Variants in LPIN1 observed in about 807,000 individuals in gnomAD.
The protein encoded by LPIN1 is phosphatidate phosphatase LPIN1.
LPIN1 carries 71 observed loss-of-function variants against 107.5 expected under a neutral mutation model. The observed-to-expected ratio is 0.66, with a 90% confidence interval of 0.55 to 0.80. The LOEUF is 0.80. LPIN1 is among the 30% of genes least tolerant of loss of function. The pLI is 0.00. For missense variants in LPIN1, 1,043 were observed against 1,160.6 expected (o/e 0.90, Z 1.47); for synonymous variants, 445 against 452.6 (o/e 0.98, Z 0.21).
intron 14 of LPIN1, among the ~76,000 whole-genome samples, chr2:11,799,180 A>G (rs1321993473): frequency 6.6e-6 from 1 of 152,136 alleles, no homozygotes; most frequent in Non-Finnish European, 1.5e-5. Flanking sequence ...CGCATCTCGC[A>G]TTTTAGTCTT....
At chr2:11,691,487 T>C (rs1293577499) in intron 1 of LPIN1, among the ~76,000 whole-genome samples, 1 of 152,188 alleles carries the variant, frequency 6.6e-6, no homozygotes, top group African/African-American at 2.4e-5. Context: ...CCTCAGGTGC[T>C]GACCTCCAGC....
intron 8 of LPIN1, among the ~76,000 whole-genome samples, chr2:11,783,288 T>C (rs1463185959): frequency 6.6e-6 from 1 of 152,242 alleles, no homozygotes; most frequent in Non-Finnish European, 1.5e-5. Context: ...TAAAAGCTTT[T>C]ATCATTTCAT....
rs527487744 is a variant in LPIN1 at position 11,697,611 on chromosome 2, C to G, written c.82-16145C>G. ...TCCCTTGCCTGCCACTGGTAGTGACCTGGCCTGGGGACAGGGAAAGGACGC... is the reference window on the plus strand; with the variant it reads ...TCCCTTGCCTGCCACTGGTAGTGACGTGGCCTGGGGACAGGGAAAGGACGC... On this transcript the variant is annotated intron_variant, in intron 1 of 21. Coordinates refer to the LPIN1 transcript ENST00000449576. This position sits in a 1 kb window ranked among gnomAD's most constrained non-coding sequence, Gnocchi z 4.6. Among the ~76,000 whole-genome samples, 3 of 152,362 alleles carry G rather than the reference C, an allele frequency of 2.0e-5. No individual in the cohort carries two copies. The highest frequency in any genetic ancestry group is 2.0e-4 in the Admixed American group (3 of 15,306).
intron 3 of LPIN1, among the ~76,000 whole-genome samples, chr2:11,769,767 G>A (rs1671553345): frequency 6.6e-6 from 1 of 152,204 alleles, no homozygotes; most frequent in South Asian, 2.1e-4. Context: ...CACAGATGAA[G>A]CACCTTAAAG....
chr2:11,709,161 T>G (rs1663278733), intron 1 of LPIN1, among the ~76,000 whole-genome samples: 1 of 152,090 alleles, frequency 6.6e-6, no homozygotes, highest in African/African-American at 2.4e-5. Flanking sequence ...ACATCATCCC[T>G]TTCACCCCAT....
chr2:11,748,215 G>A (rs1667253051), intron 1 of LPIN1, among the ~76,000 whole-genome samples: 1 of 152,226 alleles, frequency 6.6e-6, no homozygotes, highest in Non-Finnish European at 1.5e-5. Flanking sequence ...GAAGTCTGTG[G>A]GTCCTGCTCT....
intron 19 of LPIN1, among the ~76,000 whole-genome samples, chr2:11,820,132 A>G (rs1681263169): frequency 6.6e-6 from 1 of 152,248 alleles, no homozygotes; most frequent in African/African-American, 2.4e-5. Flanking sequence ...AAGTAGGAAT[A>G]TGGGTCAAAG....
intron 1 of LPIN1, among the ~76,000 whole-genome samples, chr2:11,699,993 T>C (rs1225730371): frequency 6.6e-6 from 1 of 152,178 alleles, no homozygotes; most frequent in East Asian, 1.9e-4. Flanking sequence ...ATGAATTGAC[T>C]CTGGGAAGCA....
chr2:11,762,123 T>G (rs1046934273), intron 1 of LPIN1, among the ~76,000 whole-genome samples: 3 of 151,998 alleles, frequency 2.0e-5, no homozygotes, highest in African/African-American at 7.2e-5. Context: ...GTTCATTCCT[T>G]TGTGGATCGG....
chr2:11,811,813 T>C (rs1378685912), intron 17 of LPIN1, among the ~76,000 whole-genome samples: 2 of 152,146 alleles, frequency 1.3e-5, no homozygotes, highest in South Asian at 2.1e-4. Context: ...GATGAAACCC[T>C]GTCTCTACTA....
In LPIN1 at chr2:11,786,034, G is replaced by A. The variant is rs1190369501; in HGVS notation, c.1549+958G>A. Among the ~76,000 whole-genome samples, 3 of 152,014 alleles carry A rather than the reference G, an allele frequency of 2.0e-5. No homozygotes were observed. The highest frequency in any genetic ancestry group is 2.9e-5 in the Non-Finnish European group (2 of 68,008). ...CACTGGCGTGAGGAGTCCCCTGGGCGTTCCCTCCCTGATATACATGAGCTG... is the reference window on the plus strand; with the variant it reads ...CACTGGCGTGAGGAGTCCCCTGGGCATTCCCTCCCTGATATACATGAGCTG... On this transcript the variant is annotated intron_variant, in intron 10 of 20. Transcript: ENST00000674199. The surrounding 1 kb of genome is among the most constrained non-coding windows in gnomAD (Gnocchi z 4.1).
At chr2:11,701,417 GC>G (rs1662868185) in intron 1 of LPIN1, among the ~76,000 whole-genome samples, 1 of 152,132 alleles carries the variant, frequency 6.6e-6, no homozygotes, top group Non-Finnish European at 1.5e-5. Context: ...GACTGGACTT[GC>G]CTAATCCAGT....
At chr2:11,759,194 C>CT (rs1378042039) in intron 1 of LPIN1, among the ~76,000 whole-genome samples, 3 of 113,372 alleles carry the variant, frequency 2.6e-5, no homozygotes, top group African/African-American at 6.8e-5. Context: ...TCTTTCTTTT[C>CT]TTTCTTTCTT....
chr2:11,782,714 C>CT (rs1313525203), intron 8 of LPIN1, among the ~76,000 whole-genome samples: 3 of 152,214 alleles, frequency 2.0e-5, no homozygotes, highest in African/African-American at 7.2e-5. Flanking sequence ...CCTTGAGGAT[C>CT]ATGTAGCAAA....
intron 1 of LPIN1, among the ~76,000 whole-genome samples, chr2:11,686,282 ACCC>A (rs386643235): frequency 0.18 from 26,714 of 151,966 alleles, 3,012 homozygotes; most frequent in South Asian, 0.26. Flanking sequence ...TCATGTGATC[ACCC>A]ACAGCCCCTG....
chr2:11,797,935 C>T (rs904576532), intron 14 of LPIN1, among the ~76,000 whole-genome samples: 16 of 152,276 alleles, frequency 1.1e-4, no homozygotes, highest in African/African-American at 3.9e-4. Context: ...GAACTGTAAT[C>T]CCCATAATCC....
chr2:11,790,965 T>A (rs1203518028), intron 12 of LPIN1, among the ~76,000 whole-genome samples: 1 of 152,180 alleles, frequency 6.6e-6, no homozygotes, highest in African/African-American at 2.4e-5. Flanking sequence ...TTTTCCTTTC[T>A]TTGGCCTGCT....
chr2:11,795,107 A>C (rs1225852899), intron 13 of LPIN1, among the ~76,000 whole-genome samples: 1 of 152,220 alleles, frequency 6.6e-6, no homozygotes, highest in Non-Finnish European at 1.5e-5. Flanking sequence ...TTGATCAAGC[A>C]TTTGCATAAG....
chr2:11,809,158 GA>G (rs1679221893), intron 17 of LPIN1, among the ~76,000 whole-genome samples: 1 of 151,930 alleles, frequency 6.6e-6, no homozygotes, highest in African/African-American at 2.4e-5. Flanking sequence ...GGAAAGTCAA[GA>G]AGGACTGTTG....
Sources: gnomAD v4.1 joint callset for allele counts (sites outside exome capture counted in the v4.1 genomes callset) on GRCh38, gnomAD v4.1.1 for gene constraint, Gnocchi (gnomAD v3.1) non-coding constraint, MANE v1.5 for transcripts, NCBI Gene and HGNC (gene_info 2026-07-23, HGNC 2026-07-21) for gene names.